The following PTPN2 variants were observed in gnomAD, a reference collection of about 807,000 sequenced individuals.
PTPN2 encodes the protein tyrosine-protein phosphatase non-receptor type 2.
Under a neutral mutation model 57.3 loss-of-function variants are expected in PTPN2, and 19 were observed. The observed-to-expected ratio is 0.33, with a 90% CI of 0.23 to 0.49. The LOEUF is 0.49. Ranked by LOEUF, PTPN2 falls within the 20% of genes least tolerant of loss-of-function variation. PTPN2 has a pLI of 0.99. For synonymous variants in PTPN2, 153 were observed against 164.9 expected, an observed-to-expected ratio of 0.93 and a Z score of 0.55; for missense variants, 358 against 501.1, an observed-to-expected ratio of 0.71 and a Z score of 2.73.
chr18:12,846,147 C>T (rs1217652198), intron 2 of PTPN2, among the ~76,000 whole-genome samples: 4 of 152,142 alleles, frequency 2.6e-5, no homozygotes, highest in African/African-American at 4.8e-5. Flanking sequence ...TGCATCTTAT[C>T]GGGTGGTTCA....
intron 2 of PTPN2, among the ~76,000 whole-genome samples, chr18:12,840,384 C>A (rs776984417): frequency 1.3e-5 from 2 of 152,202 alleles, no homozygotes; most frequent in Non-Finnish European, 2.9e-5. Context: ...TATACTCCCC[C>A]ATATTAATGG....
At chr18:12,862,773 T>C (rs528005680) in intron 1 of PTPN2, 1 of 152,288 alleles carries the variant, frequency 6.6e-6, no homozygotes, top group South Asian at 2.1e-4. Flanking sequence ...AATACCAGCA[T>C]TGAGTCATGG....
At chr18:12,828,464 T>C (rs1284545564) in intron 4 of PTPN2, among the ~76,000 whole-genome samples, 1 of 152,214 alleles carries the variant, frequency 6.6e-6, no homozygotes, top group African/African-American at 2.4e-5. Context: ...AGTAATTATT[T>C]TGGTAGCAGA....
intron 7 of PTPN2, among the ~76,000 whole-genome samples, chr18:12,811,040 C>T (rs1381465981): frequency 6.6e-6 from 1 of 152,188 alleles, no homozygotes; most frequent in Non-Finnish European, 1.5e-5. Flanking sequence ...CATATTCTAA[C>T]ACTTCAAATG....
intron 5 of PTPN2, chr18:12,818,980 G>C (rs771569335): frequency 4.1e-6 from 1 of 242,084 alleles, no homozygotes; most frequent in Non-Finnish European, 7.9e-6. Flanking sequence ...TGTAATCCCA[G>C]CTACTTGGGA....
chr18:12,870,657 C>T lies in PTPN2; in HGVS notation c.70-11403G>A, dbSNP rs111445238. ...CCGAGCAGCTGGGACTACAGGCGCCCGCAACCACGCCCGGCTACTTTTTTT... is the reference window on the plus strand; with the variant it reads ...CCGAGCAGCTGGGACTACAGGCGCCTGCAACCACGCCCGGCTACTTTTTTT... On this transcript the variant is annotated intron_variant, in intron 1 of 8. Transcript: ENST00000309660. Among the ~76,000 whole-genome samples the T allele has an allele frequency of 6.3e-3, 941 of 149,502 alleles. 12 individuals are homozygous for T. The highest frequency in any genetic ancestry group is 0.022 in the African/African-American group (895 of 40,346).
At chr18:12,826,144 T>G (rs1233655495) in intron 4 of PTPN2, among the ~76,000 whole-genome samples, 200 bp from the exon 5 acceptor site, 1 of 152,254 alleles carries the variant, frequency 6.6e-6, no homozygotes, top group Non-Finnish European at 1.5e-5. Flanking sequence ...GACTCACGCC[T>G]GTAATCCCAA....
chr18:12,796,404 T>C (rs1345541337), intron 8 of PTPN2, among the ~76,000 whole-genome samples: 1 of 152,214 alleles, frequency 6.6e-6, no homozygotes, highest in Non-Finnish European at 1.5e-5. Context: ...TAAAACTTTA[T>C]TAAAAAAGCT....
intron 4 of PTPN2, among the ~76,000 whole-genome samples, chr18:12,830,086 T>C (rs185298456): frequency 6.6e-6 from 1 of 150,522 alleles, no homozygotes; most frequent in African/African-American, 2.4e-5. Flanking sequence ...AAACTGACAA[T>C]GTCATAATCC....
chr18:12,878,467 C>G (rs918911718), intron 1 of PTPN2, among the ~76,000 whole-genome samples: 4 of 152,000 alleles, frequency 2.6e-5, no homozygotes, highest in Middle Eastern at 3.4e-3. Flanking sequence ...GTCAGGAGTT[C>G]AAGACCAGCC....
chr18:12,876,322 T>C (rs1236602151), intron 1 of PTPN2, among the ~76,000 whole-genome samples: 1 of 40,394 alleles, frequency 2.5e-5, no homozygotes, highest in Non-Finnish European at 4.8e-5. Context: ...AAGAAATTTG[T>C]CAGGCGTGGT....
At chr18:12,852,420 C>T (rs1000683441) in intron 2 of PTPN2, among the ~76,000 whole-genome samples, 1 of 152,206 alleles carries the variant, frequency 6.6e-6, no homozygotes, top group African/African-American at 2.4e-5. Flanking sequence ...TTTCAAACAA[C>T]GAAGTTCTTG....
intron 8 of PTPN2, among the ~76,000 whole-genome samples, chr18:12,801,250 C>G (rs1265683851): frequency 1.3e-5 from 2 of 152,180 alleles, no homozygotes; most frequent in African/African-American, 4.8e-5. Flanking sequence ...CGGTGGCTCA[C>G]GCCTGTAATC....
Position 12,794,478 on chromosome 18 carries a change from G to A in PTPN2, c.1048C>T (p.Arg350Trp), listed in dbSNP as rs2041090384. ...TTTCTGTCCTCTCGAATACGTTTCCGTAGAGCACTATGAGGAAATAAAAAC... is the reference window on the plus strand; with the variant it reads ...TTTCTGTCCTCTCGAATACGTTTCCATAGAGCACTATGAGGAAATAAAAAC... ...TMEENSESALRKRIREDRKAT... is the reference protein window; with the variant it reads ...TMEENSESALWKRIREDRKAT... Residue 350 changes from arginine (R) to tryptophan (W), a missense_variant, in exon 9 of 9, where the codon CGG becomes TGG. This residue lies in a region of PTPN2 where 96 missense variants were observed against 110.8 expected (regional missense o/e 0.87). Coordinates refer to ENST00000309660, the MANE Select transcript of PTPN2 (RefSeq NM_002828.4). 1.9e-6 allele frequency: 3 copies of A among 1,612,768 alleles called. No individual in the cohort carries two copies. The highest frequency in any genetic ancestry group is 2.2e-5 in the South Asian group (2 of 91,028).
chr18:12,869,342 TTTTTTA>T (rs1209407120), intron 1 of PTPN2, among the ~76,000 whole-genome samples: 1 of 152,146 alleles, frequency 6.6e-6, no homozygotes, highest in Non-Finnish European at 1.5e-5. Context: ...GCCTGGCTAA[TTTTTTA>T]TTTTTATTTG....
intron 4 of PTPN2, among the ~76,000 whole-genome samples, chr18:12,827,355 A>AAAAT (rs1568119835): frequency 7.0e-6 from 1 of 143,398 alleles, no homozygotes; most frequent in East Asian, 2.1e-4. Flanking sequence ...AAAAAAAAAA[A>AAAAT]AATAATAATA....
intron 1 of PTPN2, among the ~76,000 whole-genome samples, chr18:12,859,563 G>A (rs1384106673): frequency 6.6e-6 from 1 of 152,124 alleles, no homozygotes; most frequent in African/African-American, 2.4e-5. Context: ...CTCTAGATCT[G>A]TTTACTTACT....
chr18:12,833,038 C>T (rs1206183722), intron 3 of PTPN2, among the ~76,000 whole-genome samples: 2 of 152,224 alleles, frequency 1.3e-5, no homozygotes, highest in South Asian at 2.1e-4. Context: ...ATCTGCCTGC[C>T]TCAGCCTCCC....
intron 2 of PTPN2, among the ~76,000 whole-genome samples, chr18:12,849,432 G>A (rs180883340): frequency 9.3e-4 from 141 of 152,286 alleles, no homozygotes; most frequent in Middle Eastern, 3.4e-3. Flanking sequence ...GGCGGCTAAC[G>A]CCTGTAATAC....
Sources: gnomAD v4.1 joint callset for allele counts (sites outside exome capture counted in the v4.1 genomes callset) on GRCh38, gnomAD v4.1.1 for gene constraint, gnomAD v4.1.1 regional missense constraint, MANE v1.5 for transcripts, NCBI Gene and HGNC (gene_info 2026-07-23, HGNC 2026-07-21) for gene names.